DHRSX: variants seen among roughly 807,000 people sequenced by gnomAD.
DHRSX encodes dehydrogenase/reductase X-linked.
In DHRSX, 31 loss-of-function variants were observed where a neutral mutation model predicts 34.0. That is an observed-to-expected ratio of 0.91 (90% CI 0.69 to 1.23). DHRSX has a LOEUF of 1.23. Among genes scored for constraint, DHRSX ranks in the 50% most tolerant of loss-of-function variants. The probability of loss-of-function intolerance (pLI) is 0.00; values close to 1 mark genes in which losing one functional copy is unlikely to be tolerated. For missense variants in DHRSX, 414 were observed against 428.1 expected (o/e 0.97, Z 0.29); for synonymous variants, 201 against 183.8 (o/e 1.09, Z -0.76).
chrX:2,224,530 A>G (rs1274993504), intron 6 of DHRSX, among the ~76,000 whole-genome samples: 1 of 152,178 alleles, frequency 6.6e-6, no homozygotes, highest in Non-Finnish European at 1.5e-5. Flanking sequence ...TTGTGCTGAA[A>G]ATGTAGGTAT....
intron 3 of DHRSX, among the ~76,000 whole-genome samples, chrX:2,407,118 C>T (rs980547354): frequency 3.3e-5 from 5 of 152,182 alleles, no homozygotes; most frequent in African/African-American, 1.2e-4. Context: ...CCTGCAGCAA[C>T]ACAGATGGAA....
rs779722860 is a variant in DHRSX at position 2,317,256 on chromosome X, C to CTTTTTTTT, written c.287-25661_287-25654dup. Among the ~76,000 whole-genome samples the CTTTTTTTT allele has an allele frequency of 2.4e-4, 21 of 87,428 alleles. 2 individuals are homozygous for CTTTTTTTT. Among genetic ancestry groups the CTTTTTTTT allele is most frequent in the African/African-American group, 9.9e-4 (18 of 18,162 alleles). 57.4% of individuals were successfully genotyped at this position (87,428 alleles called of 152,430 possible). A position where few individuals can be genotyped will look rare whatever the true frequency, so the allele number is the denominator to read the frequency against. ...TACAGGCGTGAGCCACCGCGCCTGG[C>CTTTTTTTT]TTTTTTTTTTTTTGAGACAGAGTCT... On this transcript the variant is annotated intron_variant, in intron 3 of 6. Coordinates refer to ENST00000334651, the MANE Select transcript of DHRSX (RefSeq NM_145177.3).
At chrX:2,394,845 A>G (rs1291684710) in intron 3 of DHRSX, among the ~76,000 whole-genome samples, 5 of 151,934 alleles carry the variant, frequency 3.3e-5, no homozygotes, top group African/African-American at 4.8e-5. Flanking sequence ...CAGCCTGGGC[A>G]ACACAGTGAG....
chrX:2,394,734 C>G (rs2043387013), intron 3 of DHRSX, among the ~76,000 whole-genome samples: 1 of 152,104 alleles, frequency 6.6e-6, no homozygotes, highest in Non-Finnish European at 1.5e-5. Flanking sequence ...GGCGTGGTGG[C>G]ACGTGCCTGT....
At chrX:2,367,575 A>G (rs1452268560) in intron 3 of DHRSX, among the ~76,000 whole-genome samples, 1 of 152,338 alleles carries the variant, frequency 6.6e-6, no homozygotes, top group East Asian at 1.9e-4. Context: ...ATAAACAAGG[A>G]CAAAGATGCA....
intron 6 of DHRSX, among the ~76,000 whole-genome samples, chrX:2,234,304 C>T (rs1398730575): frequency 7.3e-5 from 11 of 150,564 alleles, no homozygotes; most frequent in African/African-American, 2.7e-4. Context: ...CATTCAATAT[C>T]TCCCTCCCTG....
At chrX:2,428,172 T>A (rs1488648291) in intron 1 of DHRSX, among the ~76,000 whole-genome samples, 1 of 152,096 alleles carries the variant, frequency 6.6e-6, no homozygotes, top group Non-Finnish European at 1.5e-5. Context: ...GTTATTTGAG[T>A]GATGGCCTCA....
At chrX:2,456,059 C>T (rs1290374911) in intron 1 of DHRSX, among the ~76,000 whole-genome samples, 2 of 152,042 alleles carry the variant, frequency 1.3e-5, no homozygotes, top group African/African-American at 4.8e-5. Context: ...CTAGCTTTAG[C>T]CAGTTTGTTC....
At chrX:2,345,695 G>C (rs1256522779) in intron 3 of DHRSX, among the ~76,000 whole-genome samples, 2 of 149,924 alleles carry the variant, frequency 1.3e-5, no homozygotes, top group Non-Finnish European at 3.0e-5. Context: ...TACACTTTGA[G>C]TAAAGCAATT....
At chrX:2,345,539 C>A (rs777952531) in intron 3 of DHRSX, among the ~76,000 whole-genome samples, 1 of 150,558 alleles carries the variant, frequency 6.6e-6, no homozygotes. Flanking sequence ...CACAACTACT[C>A]GGGAGGATGA....
chrX:2,356,965 C>G (rs1435270368), intron 3 of DHRSX, among the ~76,000 whole-genome samples: 1 of 152,058 alleles, frequency 6.6e-6, no homozygotes, highest in East Asian at 1.9e-4. Context: ...GCACATGGGC[C>G]AGGCGTAGGG....
chrX:2,246,160 T>C (rs2016276780), intron 5 of DHRSX, among the ~76,000 whole-genome samples: 1 of 152,062 alleles, frequency 6.6e-6, no homozygotes, highest in Admixed American at 6.6e-5. Flanking sequence ...ATAGTTTGAA[T>C]ATCAGCATGA....
intron 3 of DHRSX, 146 bp downstream of exon 3, chrX:2,408,599 A>G (rs1163309250): frequency 1.4e-5 from 10 of 698,456 alleles, no homozygotes; most frequent in Non-Finnish European, 2.5e-5. Flanking sequence ...GGGGCCAGAA[A>G]TCCCCAAAAG....
At chrX:2,360,366 C>CCT (rs1271516588) in intron 3 of DHRSX, among the ~76,000 whole-genome samples, 2 of 152,126 alleles carry the variant, frequency 1.3e-5, no homozygotes, top group Admixed American at 6.6e-5. Flanking sequence ...GGGCGGATCA[C>CCT]GAGGGCAGGA....
intron 3 of DHRSX, among the ~76,000 whole-genome samples, chrX:2,387,567 A>G (rs1213796868): frequency 3.3e-5 from 5 of 151,978 alleles, no homozygotes; most frequent in African/African-American, 1.2e-4. Context: ...CTGCCTGCTT[A>G]TAGTCTAGCC....
chrX:2,344,872 CATATAT>C (rs775259345), intron 3 of DHRSX, among the ~76,000 whole-genome samples: 6,542 of 97,954 alleles, frequency 0.067, 317 homozygotes, highest in African/African-American at 0.11. Flanking sequence ...TAAAAAGAAG[CATATAT>C]ATATATATAT....
At chrX:2,498,648 C>T (rs2045341271) in intron 1 of DHRSX, among the ~76,000 whole-genome samples, 1 of 147,670 alleles carries the variant, frequency 6.8e-6, no homozygotes, top group Non-Finnish European at 1.5e-5. Flanking sequence ...AAAAAAGATT[C>T]CAGCCCTTTT....
At chrX:2,446,138 G>C (rs1005298913) in intron 1 of DHRSX, among the ~76,000 whole-genome samples, 1 of 148,670 alleles carries the variant, frequency 6.7e-6, no homozygotes, top group Admixed American at 6.7e-5. Flanking sequence ...AGAAGTGTGC[G>C]GCCAAGGGAC....
chrX:2,441,965 T>C (rs1284745382), intron 1 of DHRSX, among the ~76,000 whole-genome samples: 1 of 152,046 alleles, frequency 6.6e-6, no homozygotes, highest in African/African-American at 2.4e-5. Flanking sequence ...GCCCAGCTAT[T>C]TGGGAGGCTG....
Sources: allele counts gnomAD v4.1 joint callset (sites outside exome capture counted in the v4.1 genomes callset), GRCh38; gene constraint gnomAD v4.1.1; transcripts MANE v1.5; gene names NCBI Gene and HGNC (gene_info 2026-07-23, HGNC 2026-07-21).